PDLIM5: variants seen among roughly 807,000 people sequenced by gnomAD.
The protein encoded by PDLIM5 is PDZ and LIM domain protein 5.
A neutral mutation model predicts 64.2 loss-of-function variants in PDLIM5; 34 were observed. The observed-to-expected ratio is 0.53, with a 90% CI of 0.40 to 0.71. The LOEUF (loss-of-function observed/expected upper bound fraction) is 0.71. Ranked by LOEUF, PDLIM5 falls within the 30% of genes least tolerant of loss-of-function variation. The pLI is 0.00. For synonymous variants in PDLIM5, 253 were observed against 269.1 expected (o/e 0.94, Z 0.59); for missense variants, 683 against 733.6 (o/e 0.93, Z 0.80).
chr4:94,520,399 G>C (rs1402814814), intron 2 of PDLIM5, among the ~76,000 whole-genome samples: 1 of 152,156 alleles, frequency 6.6e-6, no homozygotes, highest in Non-Finnish European at 1.5e-5. Context: ...ACTGATGACA[G>C]ATAGTAAACT....
chr4:94,587,653 G>C, intron 7 of PDLIM5: 1 of 979,642 alleles, frequency 1.0e-6, no homozygotes, highest in Non-Finnish European at 1.2e-6. Flanking sequence ...ATTCAGGATG[G>C]CTCTATGAAG....
chr4:94,564,326 TTA>T (rs1380105778), intron 3 of PDLIM5, among the ~76,000 whole-genome samples: 1 of 152,186 alleles, frequency 6.6e-6, no homozygotes, highest in African/African-American at 2.4e-5. Flanking sequence ...TTCATGTACT[TTA>T]TGTGTTCTGC....
At chr4:94,528,271 C>T (rs757256958) in intron 3 of PDLIM5, among the ~76,000 whole-genome samples, 2 of 152,178 alleles carry the variant, frequency 1.3e-5, no homozygotes, top group Non-Finnish European at 2.9e-5. Flanking sequence ...TTCCTACTAT[C>T]GCACCTCACT....
chr4:94,513,384 G>A (rs554606085), intron 2 of PDLIM5, among the ~76,000 whole-genome samples: 49 of 152,214 alleles, frequency 3.2e-4, no homozygotes, highest in African/African-American at 1.1e-3. Context: ...CTTTCCATTT[G>A]TTCCTGTCCT....
chr4:94,572,150 C>T (rs1477615473), intron 3 of PDLIM5, among the ~76,000 whole-genome samples: 1 of 152,118 alleles, frequency 6.6e-6, no homozygotes, highest in African/African-American at 2.4e-5. Flanking sequence ...AAAACAAGCT[C>T]ATGGTTTATA....
intron 7 of PDLIM5, among the ~76,000 whole-genome samples, chr4:94,611,862 A>C (rs779987218): frequency 6.6e-6 from 1 of 152,256 alleles, no homozygotes; most frequent in Non-Finnish European, 1.5e-5. Flanking sequence ...AAAACCTGAT[A>C]TAACTAGGCT....
At chr4:94,452,582 A>G (rs1166167985) in intron 1 of PDLIM5, among the ~76,000 whole-genome samples, 1 of 152,222 alleles carries the variant, frequency 6.6e-6, no homozygotes, top group Non-Finnish European at 1.5e-5. Flanking sequence ...CGTTTAAGAA[A>G]CACATTTGTC....
At chr4:94,459,054 G>A (rs1723636940) in intron 2 of PDLIM5, among the ~76,000 whole-genome samples, 1 of 152,124 alleles carries the variant, frequency 6.6e-6, no homozygotes, top group Non-Finnish European at 1.5e-5. Flanking sequence ...GTGAGGATGG[G>A]TTTCATTGTA....
intron 2 of PDLIM5, among the ~76,000 whole-genome samples, chr4:94,458,855 T>A (rs770609066): frequency 1.3e-5 from 2 of 152,198 alleles, no homozygotes; most frequent in African/African-American, 4.8e-5. Context: ...GTATACTGTT[T>A]TGTTGGTGGA....
chr4:94,459,586 T>C (rs1487832366), intron 2 of PDLIM5, among the ~76,000 whole-genome samples: 1 of 152,174 alleles, frequency 6.6e-6, no homozygotes, highest in Non-Finnish European at 1.5e-5. Context: ...TAGAAGCCAC[T>C]GAAGAAGATA....
chr4:94,627,909 C>T (rs1248865351), intron 8 of PDLIM5, among the ~76,000 whole-genome samples: 1 of 152,170 alleles, frequency 6.6e-6, no homozygotes, highest in Non-Finnish European at 1.5e-5. Context: ...TAAACTCTTT[C>T]TGGGCAGATA....
chr4:94,456,436 G>C, intron 2 of PDLIM5: 1 of 695,634 alleles, frequency 1.4e-6, no homozygotes, highest in Non-Finnish European at 2.6e-6. Context: ...GACCTCAGGT[G>C]ATCTGCCCAC....
intron 8 of PDLIM5, among the ~76,000 whole-genome samples, chr4:94,622,993 A>G (rs1202596063): frequency 6.6e-6 from 1 of 152,134 alleles, no homozygotes; most frequent in Non-Finnish European, 1.5e-5. Flanking sequence ...TATTAAAATA[A>G]AGACCTTAAA....
At chr4:94,633,196 G>T (rs1393800625) in intron 8 of PDLIM5, among the ~76,000 whole-genome samples, 1 of 152,146 alleles carries the variant, frequency 6.6e-6, no homozygotes, top group African/African-American at 2.4e-5. Flanking sequence ...GGAGCGAGGA[G>T]TGGAATATTA....
chr4:94,561,889 A>G lies in PDLIM5; in HGVS notation c.249-11462A>G, dbSNP rs760892878. On this transcript the variant is annotated intron_variant, in intron 3 of 12. Coordinates refer to ENST00000317968, the MANE Select transcript of PDLIM5 (RefSeq NM_006457.5). Reference sequence around the variant, plus strand: ...GTTGGAACAACACATATAGTAATCCATGGTCAGCATAATCATGGTCAGCAT... The same window carrying G: ...GTTGGAACAACACATATAGTAATCCGTGGTCAGCATAATCATGGTCAGCAT... Among the ~76,000 whole-genome samples the G allele has an allele frequency of 4.1e-4, 63 of 152,180 alleles. 1 individual carries two copies. The highest frequency in any genetic ancestry group is 8.8e-5 in the Non-Finnish European group (6 of 68,026).
At chr4:94,488,266 CTG>C (rs1560649533) in intron 2 of PDLIM5, among the ~76,000 whole-genome samples, 2 of 152,128 alleles carry the variant, frequency 1.3e-5, no homozygotes, top group African/African-American at 2.4e-5. Context: ...TTGAAATGAT[CTG>C]TTTTTTAATG....
intron 2 of PDLIM5, chr4:94,456,752 T>C: frequency 2.5e-6 from 3 of 1,216,038 alleles, no homozygotes; most frequent in Non-Finnish European, 3.1e-6. Flanking sequence ...TTTTGAAAGG[T>C]TGTGCCAATT....
At chr4:94,657,629 A>T (rs1742311945) in intron 11 of PDLIM5, 82 bp downstream of exon 11, 1 of 956,598 alleles carries the variant, frequency 1.0e-6, no homozygotes, top group South Asian at 1.9e-5. Flanking sequence ...AGCTCAAGAA[A>T]ATATTAGGCA....
chr4:94,636,321 T>G (rs1740555496), intron 8 of PDLIM5, among the ~76,000 whole-genome samples: 1 of 152,032 alleles, frequency 6.6e-6, no homozygotes, highest in Non-Finnish European at 1.5e-5. Flanking sequence ...GGTCTGATTT[T>G]CAGATTTTCC....
Sources: allele counts gnomAD v4.1 joint callset (sites outside exome capture counted in the v4.1 genomes callset), GRCh38; gene constraint gnomAD v4.1.1; transcripts MANE v1.5; gene names NCBI Gene and HGNC (gene_info 2026-07-23, HGNC 2026-07-21).